The following PHF3 variants were observed in gnomAD, a reference collection of about 807,000 sequenced individuals.
PHF3 encodes the protein PHD finger protein 3.
Under a neutral mutation model 178.4 loss-of-function variants are expected in PHF3, and 41 were observed. The ratio of observed to expected loss-of-function variants is 0.23; its 90% CI spans 0.18 to 0.30. PHF3 has a LOEUF of 0.30. Ranked by LOEUF, PHF3 falls within the 10% of genes least tolerant of loss-of-function variation. The pLI is 1.00. For synonymous variants in PHF3, 842 were observed against 800.5 expected (o/e 1.05, Z -0.88); for missense variants, 2,346 against 2,398.1 (o/e 0.98, Z 0.45).
At position 63,721,541 on chromosome 6, in the gene PHF3, A is replaced by G. The variant is rs1166928720; in HGVS notation, c.*7833A>G. On this transcript the variant is annotated 3_prime_UTR_variant, in exon 16 of 16. Transcript: ENST00000262043. Reference sequence around the variant, plus strand: ...TTTCTATTGCCATGGGATTTACAAGATTTAAAGAAGATACTCCTCCAATAT... The same window carrying G: ...TTTCTATTGCCATGGGATTTACAAGGTTTAAAGAAGATACTCCTCCAATAT... 6.4e-7 allele frequency: 1 copy of G among 1,551,736 alleles called. No individual in the cohort carries two copies. The highest frequency in any genetic ancestry group is 1.2e-5 in the South Asian group (1 of 84,056).
intron 10 of PHF3, 107 bp from the exon 11 acceptor site, chr6:63,703,422 TATCTATG>T: frequency 9.3e-7 from 1 of 1,073,266 alleles, no homozygotes; most frequent in South Asian, 1.6e-5. Flanking sequence ...ATCAAAAACT[TATCTATG>T]GAACAACTGC....
rs1252411864 is a variant in PHF3 at position 63,724,504 on chromosome 6, TTATAAC to T, written c.*10801_*10806del. On this transcript the variant is annotated 3_prime_UTR_variant, in exon 16 of 16. Transcript: ENST00000262043. ...GGCCTTTTTATACACGTTGGGAGGA[TTATAAC>T]TATATCAGATGAATTCAGGCTTTGA... Among the ~76,000 whole-genome samples the T allele has an allele frequency of 1.3e-5, 2 of 152,174 alleles. No individual in the cohort carries two copies. Among genetic ancestry groups the T allele is most frequent in the Non-Finnish European group, 2.9e-5 (2 of 68,026 alleles).
At chr6:63,695,543 G>T (rs1199057197) in intron 6 of PHF3, among the ~76,000 whole-genome samples, 1 of 152,140 alleles carries the variant, frequency 6.6e-6, no homozygotes, top group Non-Finnish European at 1.5e-5. Context: ...TGGGACCTTT[G>T]GGGCTATGGC....
intron 4 of PHF3, among the ~76,000 whole-genome samples, chr6:63,688,612 G>A (rs1000184409): frequency 9.2e-5 from 14 of 151,920 alleles, no homozygotes; most frequent in Admixed American, 6.6e-5. Flanking sequence ...TGGGATTACA[G>A]GCACAAGCCA....
At chr6:63,647,977 AT>A (rs1764860706) in intron 2 of PHF3, among the ~76,000 whole-genome samples, 1 of 152,044 alleles carries the variant, frequency 6.6e-6, no homozygotes, top group Non-Finnish European at 1.5e-5. Flanking sequence ...AACATTTTCT[AT>A]GTATATTTTA....
intron 5 of PHF3, 35 bp from the exon 6 acceptor site, chr6:63,694,546 T>C (rs1430375233): frequency 7.3e-7 from 1 of 1,360,680 alleles, no homozygotes; most frequent in East Asian, 2.6e-5. Context: ...TGTTTAGTTA[T>C]TTTCATTCTA....
chr6:63,696,713 C>T (rs1255148251), intron 6 of PHF3, among the ~76,000 whole-genome samples: 1 of 152,152 alleles, frequency 6.6e-6, no homozygotes, highest in Non-Finnish European at 1.5e-5. Context: ...GACTGGTGGC[C>T]TGGAAGCCAG....
intron 1 of PHF3, among the ~76,000 whole-genome samples, chr6:63,637,699 A>T (rs116301599): frequency 0.012 from 1,831 of 152,288 alleles, 39 homozygotes; most frequent in African/African-American, 0.042. Flanking sequence ...TTCTGGTGAT[A>T]GTAGCAGAGT....
chr6:63,705,905 C>CAGTTAGATT, intron 11 of PHF3, 124 bp from the exon 12 acceptor site: 1 of 685,786 alleles, frequency 1.5e-6, no homozygotes, highest in Non-Finnish European at 2.4e-6. Flanking sequence ...GATATAACCC[C>CAGTTAGATT]AGGAAATGTA....
In PHF3 at chr6:63,698,605, T is replaced by C. The variant is rs1395571916; in HGVS notation, c.2982T>C (p.Asn994=). The C allele has an allele frequency of 3.8e-6, 6 of 1,560,360 alleles. No individual in the cohort carries two copies. The highest frequency in any genetic ancestry group is 2.0e-5 in the Admixed American group (1 of 50,012). Residue 994 remains asparagine (N), a splice_region_variant and synonymous_variant, in exon 8 of 16, where the codon AAT becomes AAC. Transcript: ENST00000262043. ...LMFNLKDPKN[N]ILFKKVLKGE... ...TTAATTTGAAAGATCCTAAAAACAA[T>C]GTAAGTATGCTTTGTTCATATGTTT...
intron 2 of PHF3, among the ~76,000 whole-genome samples, chr6:63,666,007 T>C (rs1765665793): frequency 6.6e-6 from 1 of 152,310 alleles, no homozygotes; most frequent in East Asian, 1.9e-4. Flanking sequence ...GGCAATCTGA[T>C]TAAATACTAG....
At chr6:63,668,974 AAGG>A (rs1765794915) in intron 2 of PHF3, among the ~76,000 whole-genome samples, 1 of 152,192 alleles carries the variant, frequency 6.6e-6, no homozygotes, top group Non-Finnish European at 1.5e-5. Context: ...AAATATGTAA[AAGG>A]AGGTCAGCTT....
chr6:63,694,125 C>T (rs1310052968), intron 5 of PHF3, among the ~76,000 whole-genome samples: 1 of 152,146 alleles, frequency 6.6e-6, no homozygotes, highest in Non-Finnish European at 1.5e-5. Flanking sequence ...TCCAGTTTTA[C>T]TGGTAATTCT....
intron 2 of PHF3, among the ~76,000 whole-genome samples, chr6:63,651,630 G>A (rs943588854): frequency 2.6e-5 from 4 of 152,128 alleles, no homozygotes; most frequent in African/African-American, 7.2e-5. Context: ...CCAAAGTGCT[G>A]GGATTACAGG....
intron 2 of PHF3, among the ~76,000 whole-genome samples, chr6:63,651,716 C>A (rs370823024): frequency 6.6e-6 from 1 of 152,080 alleles, no homozygotes; most frequent in South Asian, 2.1e-4. Context: ...CTGCTCCTTC[C>A]CCTTCCCCAA....
At position 63,724,302 on chromosome 6, in the gene PHF3, A is replaced by T. The variant is rs1484139794; in HGVS notation, c.*10594A>T. ...ATCCCACCGTGCTTTATTATAGATAAGAGAAACCTTGTAGGACCTAATATT... is the reference window on the plus strand; with the variant it reads ...ATCCCACCGTGCTTTATTATAGATATGAGAAACCTTGTAGGACCTAATATT... On this transcript the variant is annotated 3_prime_UTR_variant, in exon 16 of 16. Transcript: ENST00000262043. 1.3e-5 allele frequency among the ~76,000 whole-genome samples: 2 copies of T among 152,218 alleles called. No homozygotes were observed. The highest frequency in any genetic ancestry group is 1.3e-4 in the Admixed American group (2 of 15,274).
intron 5 of PHF3, among the ~76,000 whole-genome samples, chr6:63,693,485 C>T (rs1391837395): frequency 1.3e-5 from 2 of 152,150 alleles, no homozygotes; most frequent in Non-Finnish European, 2.9e-5. Flanking sequence ...CATGGTGGTG[C>T]ATGCCTGTAA....
rs1768202180 is a variant in PHF3 at position 63,716,730 on chromosome 6, C to T, written c.*3022C>T. ...TAGAGGGCACCCAATTTCCTTGGCT[C>T]ATGATCCCTTCCTCCATATTTGAAG... On this transcript the variant is annotated 3_prime_UTR_variant, in exon 16 of 16. Coordinates refer to ENST00000262043, the MANE Select transcript of PHF3 (RefSeq NM_001370348.2). 6.6e-6 allele frequency among the ~76,000 whole-genome samples: 1 copy of T among 151,906 alleles called. No homozygotes were observed.
chr6:63,661,292 C>T (rs1474725308), intron 2 of PHF3, among the ~76,000 whole-genome samples: 1 of 151,974 alleles, frequency 6.6e-6, no homozygotes, highest in Admixed American at 6.6e-5. Context: ...ACTGGAAAAA[C>T]GCACAAGAAA....
Sources: gnomAD v4.1 joint callset for allele counts (sites outside exome capture counted in the v4.1 genomes callset) on GRCh38, gnomAD v4.1.1 for gene constraint, MANE v1.5 for transcripts, NCBI Gene and HGNC (gene_info 2026-07-23, HGNC 2026-07-21) for gene names.